ERP44: variants seen among roughly 807,000 people sequenced by gnomAD.
ERP44 encodes endoplasmic reticulum protein 44.
Under a neutral mutation model 53.4 loss-of-function variants are expected in ERP44, and 25 were observed. The observed-to-expected ratio is 0.47, with a 90% CI of 0.34 to 0.65. The LOEUF (loss-of-function observed/expected upper bound fraction) is 0.65. Among genes scored for constraint, ERP44 ranks in the 30% least tolerant of loss-of-function variants. ERP44 has a pLI of 0.01. For synonymous variants in ERP44, 145 were observed against 161.2 expected, an observed-to-expected ratio of 0.90 and a Z score of 0.76; for missense variants, 338 against 493.2, an observed-to-expected ratio of 0.69 and a Z score of 2.98.
Position 99,979,918 on chromosome 9 carries a change from A to T in ERP44, c.*2694T>A. ...TGGATCTCTTCTGCCTACAATATAT[A>T]CTACAAACCCCTTAGTCTGGCACAC... On this transcript the variant is annotated 3_prime_UTR_variant, in exon 12 of 12. Coordinates refer to ENST00000262455, the MANE Select transcript of ERP44 (RefSeq NM_015051.3). 5.0e-6 allele frequency: 2 copies of T among 398,430 alleles called. No individual in the cohort carries two copies. The highest frequency in any genetic ancestry group is 4.4e-5 in the Admixed American group (1 of 22,732). 24.7% of individuals were successfully genotyped at this position (398,430 alleles called of 1,614,324 possible).
chr9:100,076,984 T>C (rs1007547585), intron 1 of ERP44, among the ~76,000 whole-genome samples: 5 of 152,172 alleles, frequency 3.3e-5, no homozygotes, highest in African/African-American at 1.2e-4. Flanking sequence ...CACTGCTGAG[T>C]GCCCAGTTTG....
intron 4 of ERP44, among the ~76,000 whole-genome samples, chr9:100,043,291 AG>A (rs1825931675): frequency 4.3e-4 from 32 of 74,822 alleles, no homozygotes; most frequent in Non-Finnish European, 6.6e-4. Context: ...AAAAAAAAAA[AG>A]ATAAATAAGA....
intron 1 of ERP44, among the ~76,000 whole-genome samples, chr9:100,070,199 A>G (rs1446790567): frequency 1.3e-5 from 2 of 152,196 alleles, no homozygotes; most frequent in Non-Finnish European, 2.9e-5. Context: ...GATGAGAGAA[A>G]GTTACCTTAA....
chr9:100,068,963 G>A (rs867672718), intron 1 of ERP44, among the ~76,000 whole-genome samples: 4 of 152,234 alleles, frequency 2.6e-5, no homozygotes, highest in East Asian at 1.9e-4. Flanking sequence ...TTCTTCTGCC[G>A]TGGGATCCTG....
intron 4 of ERP44, among the ~76,000 whole-genome samples, chr9:100,045,220 T>C (rs1825953072): frequency 6.6e-6 from 1 of 152,196 alleles, no homozygotes; most frequent in African/African-American, 2.4e-5. Context: ...CTTCCACTAC[T>C]TCACTTGAAA....
At chr9:100,042,195 C>T in intron 4 of ERP44, among the ~76,000 whole-genome samples, 1 of 152,150 alleles carries the variant, frequency 6.6e-6, no homozygotes. Flanking sequence ...ATATAGGGAA[C>T]TCAAACAACT....
intron 4 of ERP44, among the ~76,000 whole-genome samples, chr9:100,026,289 C>T (rs1018745597): frequency 2.6e-5 from 4 of 152,162 alleles, no homozygotes; most frequent in African/African-American, 9.7e-5. Context: ...AAAGGACCTG[C>T]AACCCTGTAT....
intron 8 of ERP44, among the ~76,000 whole-genome samples, chr9:100,015,601 A>G (rs1830518659): frequency 1.3e-5 from 2 of 152,232 alleles, no homozygotes; most frequent in Admixed American, 1.3e-4. Context: ...CTTTACAAAA[A>G]ACAGAAAAAT....
intron 1 of ERP44, among the ~76,000 whole-genome samples, chr9:100,088,466 T>G (rs1299751492): frequency 6.6e-6 from 1 of 152,240 alleles, no homozygotes; most frequent in Non-Finnish European, 1.5e-5. Context: ...ACCTGTCCCG[T>G]GATGCTTACA....
At chr9:99,985,638 TA>T (rs1369730150) in intron 10 of ERP44, among the ~76,000 whole-genome samples, 6 of 152,218 alleles carry the variant, frequency 3.9e-5, no homozygotes, top group Non-Finnish European at 8.8e-5. Context: ...TTCGGGTCCT[TA>T]AGGGCCTTCA....
At chr9:100,085,873 T>A (rs1587985707) in intron 1 of ERP44, among the ~76,000 whole-genome samples, 1 of 152,326 alleles carries the variant, frequency 6.6e-6, no homozygotes, top group East Asian at 1.9e-4. Context: ...CACTCTAGCC[T>A]GGGCAACAAG....
intron 4 of ERP44, among the ~76,000 whole-genome samples, chr9:100,045,407 G>A (rs1825954673): frequency 6.6e-6 from 1 of 152,134 alleles, no homozygotes; most frequent in Admixed American, 6.5e-5. Flanking sequence ...TTGGTTCATT[G>A]CTGTAGCTAT....
In ERP44 at chr9:99,980,313, C is replaced by G. The variant is rs1484384947; in HGVS notation, c.*2299G>C. ...CATCTTTCATCATATACTACAGCAC[C>G]AAAAAACTTGCACTGAATAAATGTC... On this transcript the variant is annotated 3_prime_UTR_variant, in exon 12 of 12. Coordinates refer to ENST00000262455, the MANE Select transcript of ERP44 (RefSeq NM_015051.3). 5.8e-6 allele frequency: 2 copies of G among 345,024 alleles called. No homozygotes were observed. Among genetic ancestry groups the G allele is most frequent in the Non-Finnish European group, 1.0e-5 (2 of 192,782 alleles). 21.4% of individuals were successfully genotyped at this position (345,024 alleles called of 1,614,324 possible). A position where few individuals can be genotyped will look rare whatever the true frequency, so the allele number is the denominator to read the frequency against.
At chr9:100,079,852 T>C (rs1826403393) in intron 1 of ERP44, among the ~76,000 whole-genome samples, 1 of 151,534 alleles carries the variant, frequency 6.6e-6, no homozygotes, top group Admixed American at 6.6e-5. Flanking sequence ...GGAAAATCAT[T>C]GGAGCCCAGG....
chr9:100,093,792 A>G (rs1395198156), intron 1 of ERP44, among the ~76,000 whole-genome samples: 2 of 152,242 alleles, frequency 1.3e-5, no homozygotes, highest in African/African-American at 4.8e-5. Flanking sequence ...AAGCTTGATC[A>G]CACTCATATT....
At chr9:100,048,003 T>G (rs942183813) in intron 4 of ERP44, among the ~76,000 whole-genome samples, 2 of 119,768 alleles carry the variant, frequency 1.7e-5, no homozygotes, top group Non-Finnish European at 3.3e-5. Context: ...CATCACTAAT[T>G]ATTAGGGAAA....
At chr9:100,092,873 G>T (rs1197937982) in intron 1 of ERP44, among the ~76,000 whole-genome samples, 1 of 152,072 alleles carries the variant, frequency 6.6e-6, no homozygotes. Context: ...TGAGGAAGTG[G>T]GCATAGTCAC....
rs151286662 is a variant in ERP44, at chr9:100,029,615, T to G, written c.287-7389A>C. Among the ~76,000 whole-genome samples the G allele has an allele frequency of 6.6e-4, 100 of 152,330 alleles. 3 individuals are homozygous for G. The East Asian group carries it at 0.017, about 26-fold the overall frequency. On this transcript the variant is annotated intron_variant, in intron 4 of 11. Coordinates refer to ENST00000262455, the MANE Select transcript of ERP44 (RefSeq NM_015051.3). The stretch of plus-strand genomic sequence containing the variant: ...CCACTATGGAAGACAAAATGGAGGT[T>G]CCTCAAAACCTAAAAATAGAACTAC...
intron 11 of ERP44, among the ~76,000 whole-genome samples, chr9:99,983,106 A>G (rs1334291989): frequency 6.6e-6 from 1 of 152,192 alleles, no homozygotes; most frequent in Non-Finnish European, 1.5e-5. Flanking sequence ...CACTCTGTAG[A>G]TATTATCTTA....
Sources: allele counts gnomAD v4.1 joint callset (sites outside exome capture counted in the v4.1 genomes callset), GRCh38; gene constraint gnomAD v4.1.1; transcripts MANE v1.5; gene names NCBI Gene and HGNC (gene_info 2026-07-23, HGNC 2026-07-21).